SNRPD3: variants seen among roughly 807,000 people sequenced by gnomAD.
SNRPD3 encodes the protein small nuclear ribonucleoprotein D3 polypeptide, also known as small nuclear ribonucleoprotein Sm D3.
For synonymous variants in SNRPD3, 66 were observed against 58.4 expected, an observed-to-expected ratio of 1.13 and a Z score of -0.59; for missense variants, 73 against 167.5, an observed-to-expected ratio of 0.44 and a Z score of 3.11.
At chr22:24,555,946 G>A (rs2045053449), upstream of SNRPD3, 2 of 1,041,636 alleles carry the variant, frequency 1.9e-6, no homozygotes, top group Non-Finnish European at 2.8e-6. Flanking sequence ...AAGGAGGCGG[G>A]CCCTGCGCGC....
intron 3 of SNRPD3, among the ~76,000 whole-genome samples, chr22:24,570,605 C>T (rs1193434292): frequency 1.3e-5 from 2 of 151,920 alleles, no homozygotes; most frequent in Non-Finnish European, 2.9e-5. Context: ...ATCGCTTGAA[C>T]CCAGGAGGTG....
At position 24,568,196 on chromosome 22, in the gene SNRPD3, A is replaced by T. The variant is rs1189803876; in HGVS notation, c.319+20A>T. 2 of 1,582,382 alleles carry T rather than the reference A, an allele frequency of 1.3e-6. No individual in the cohort carries two copies. Among genetic ancestry groups the T allele is most frequent in the African/African-American group, 2.7e-5 (2 of 73,626 alleles). ...CCCAAGGTAGGTGCTTTTCATGCACAGGTTTTAAAATATAGGTTTGTCTTG... is the reference window on the plus strand; with the variant it reads ...CCCAAGGTAGGTGCTTTTCATGCACTGGTTTTAAAATATAGGTTTGTCTTG... On this transcript the variant is annotated intron_variant, in intron 3 of 3. Coordinates refer to ENST00000215829, the MANE Select transcript of SNRPD3 (RefSeq NM_004175.5).
rs533777922 is a variant in SNRPD3 at position 24,570,719 on chromosome 22, G to A, written c.320-1197G>A. ...ATATTTTATTTGTTCTTCAAAGCCT[G>A]TCTTCTCCTAGAACCCCTGGGTTAC... On this transcript the variant is annotated intron_variant, in intron 3 of 3. Transcript: ENST00000215829. Among the ~76,000 whole-genome samples, 8 of 151,804 alleles carry A rather than the reference G, an allele frequency of 5.3e-5. No homozygotes were observed. In the East Asian group the frequency reaches 1.6e-3, roughly 29 times the overall value.
rs71189257 is a variant in SNRPD3 at position 24,560,090 on chromosome 22, AT to A, written c.126+2309del. Reference sequence around the variant, plus strand: ...CTTAACATAATTATGTTTATAAAGAATTTTTTTTTTTTTTTTTTTGAGATGG... The same window carrying A: ...CTTAACATAATTATGTTTATAAAGAATTTTTTTTTTTTTTTTTTGAGATGG... On this transcript the variant is annotated intron_variant, in intron 2 of 3. Coordinates refer to ENST00000215829, the MANE Select transcript of SNRPD3 (RefSeq NM_004175.5). Among the ~76,000 whole-genome samples, 279 of 89,276 alleles carry A rather than the reference AT, an allele frequency of 3.1e-3. 2 individuals carry two copies. Among genetic ancestry groups the A allele is most frequent in the African/African-American group, 0.011 (259 of 23,226 alleles). 58.6% of individuals were successfully genotyped at this position (89,276 alleles called of 152,430 possible).
At chr22:24,560,843 C>T (rs1465737074) in intron 2 of SNRPD3, among the ~76,000 whole-genome samples, 1 of 150,838 alleles carries the variant, frequency 6.6e-6, no homozygotes, top group Non-Finnish European at 1.5e-5. Context: ...AACTCTCTTG[C>T]CTCAGCCTCC....
At chr22:24,556,566 G>A (rs2045070527) in intron 1 of SNRPD3, among the ~76,000 whole-genome samples, 1 of 152,118 alleles carries the variant, frequency 6.6e-6, no homozygotes, top group Admixed American at 6.5e-5. Context: ...TCAGGCAATG[G>A]TCCCCTCATG....
At chr22:24,565,086 C>T (rs1254832558) in intron 2 of SNRPD3, among the ~76,000 whole-genome samples, 1 of 151,816 alleles carries the variant, frequency 6.6e-6, no homozygotes, top group Admixed American at 6.6e-5. Context: ...GATCTTGTTA[C>T]ATTTCCCAGG....
At chr22:24,563,288 G>T (rs1482007678) in intron 2 of SNRPD3, among the ~76,000 whole-genome samples, 1 of 111,970 alleles carries the variant, frequency 8.9e-6, no homozygotes, top group African/African-American at 3.8e-5. Flanking sequence ...ATGTGTGTGT[G>T]TGTGTATATA....
intron 2 of SNRPD3, among the ~76,000 whole-genome samples, chr22:24,560,721 T>C (rs1394201701): frequency 0.63 from 11,493 of 18,344 alleles, 3,029 homozygotes; most frequent in Middle Eastern, 0.75. Flanking sequence ...TGGCCTTTTT[T>C]TTTTTTTTTT....
In SNRPD3 at chr22:24,562,523, G is replaced by A. The variant is rs149354321; in HGVS notation, c.126+4723G>A. Among the ~76,000 whole-genome samples the A allele has an allele frequency of 1.0e-2, 1,522 of 152,278 alleles. 23 individuals carry two copies. The highest frequency in any genetic ancestry group is 0.034 in the African/African-American group (1,405 of 41,542). On this transcript the variant is annotated intron_variant, in intron 2 of 3. Transcript: ENST00000215829. ...CGCGCCACTGCACTCCAGCCTGGGC[G>A]ACAGAGCAAGACTCCATCTCCAAAA...
intron 2 of SNRPD3, among the ~76,000 whole-genome samples, chr22:24,567,013 A>G (rs1331082070): frequency 6.6e-6 from 1 of 152,204 alleles, no homozygotes; most frequent in Non-Finnish European, 1.5e-5. Flanking sequence ...CACATCCTGT[A>G]GGCTCCTGCC....
At chr22:24,555,912 A>G (rs1158587706), upstream of SNRPD3, 1 of 1,367,546 alleles carries the variant, frequency 7.3e-7, no homozygotes, top group Admixed American at 2.0e-5. Flanking sequence ...CGGAGGCGAG[A>G]CCGCGCTCAA....
At chr22:24,563,440 T>C (rs1489296180) in intron 2 of SNRPD3, among the ~76,000 whole-genome samples, 3 of 151,912 alleles carry the variant, frequency 2.0e-5, no homozygotes, top group Non-Finnish European at 4.4e-5. Flanking sequence ...TTGTTCTCCT[T>C]CTCATTCCGA....
At chr22:24,560,715 CTTTTTTTTTTTTTTTTTT>C (rs59348518) in intron 2 of SNRPD3, among the ~76,000 whole-genome samples, 6 of 98,864 alleles carry the variant, frequency 6.1e-5, no homozygotes, top group Non-Finnish European at 9.3e-5. Flanking sequence ...TGCACCTGGC[CTTTTTTTTTTTTTTTTTT>C]TTTTTTTTTT....
At chr22:24,555,913 C>T (rs2045051933), upstream of SNRPD3, 1 of 1,367,646 alleles carries the variant, frequency 7.3e-7, no homozygotes, top group South Asian at 1.3e-5. Context: ...GGAGGCGAGA[C>T]CGCGCTCAAC....
chr22:24,574,605 A>G lies in SNRPD3; in HGVS notation c.*2628A>G, dbSNP rs575480450. Among the ~76,000 whole-genome samples, 28 of 152,322 alleles carry G rather than the reference A, an allele frequency of 1.8e-4. No homozygotes were observed. The East Asian group carries it at 4.6e-3, about 25-fold the overall frequency. On this transcript the variant is annotated 3_prime_UTR_variant, in exon 4 of 4. Coordinates refer to ENST00000215829, the MANE Select transcript of SNRPD3 (RefSeq NM_004175.5). ...CCCCAGGCGGGAGTGCAATGGCACA[A>G]TCATGGCTCACTGCAGCCTCAACCT...
At chr22:24,562,242 A>G (rs540371631) in intron 2 of SNRPD3, among the ~76,000 whole-genome samples, 1 of 152,336 alleles carries the variant, frequency 6.6e-6, no homozygotes, top group South Asian at 2.1e-4. Flanking sequence ...AAAAAGTTTA[A>G]AAATTATCTG....
At chr22:24,565,754 G>A (rs1003597963) in intron 2 of SNRPD3, among the ~76,000 whole-genome samples, 4 of 151,928 alleles carry the variant, frequency 2.6e-5, no homozygotes, top group South Asian at 4.2e-4. Context: ...TCTACCTCCC[G>A]GGTTCAAGTG....
rs187594520 is a variant in SNRPD3 at position 24,557,480 on chromosome 22, C to T, written c.-18-177C>T. 4.0e-5 allele frequency among the ~76,000 whole-genome samples: 6 copies of T among 151,488 alleles called. No homozygotes were observed. In the East Asian group the frequency reaches 9.7e-4, roughly 25 times the overall value. On this transcript the variant is annotated intron_variant, in intron 1 of 3. Coordinates refer to ENST00000215829, the MANE Select transcript of SNRPD3 (RefSeq NM_004175.5). ...TCACCCCACATCTTGCACATATTTG[C>T]CAGATAGTTTCCTCCAAACCAGGAG...
Sources: allele counts gnomAD v4.1 joint callset (sites outside exome capture counted in the v4.1 genomes callset), GRCh38; gene constraint gnomAD v4.1.1; transcripts MANE v1.5; gene names NCBI Gene and HGNC (gene_info 2026-07-23, HGNC 2026-07-21).